The following ACOXL variants were observed in gnomAD, a reference collection of about 807,000 sequenced individuals.
ACOXL encodes acyl-CoA oxidase like, also known as acyl-coenzyme A oxidase-like protein.
In ACOXL, 70 loss-of-function variants were observed where a neutral mutation model predicts 71.9. The observed-to-expected ratio is 0.97, with a 90% CI of 0.80 to 1.19. The LOEUF is 1.19. Among genes scored for constraint, ACOXL ranks in the 50% most tolerant of loss-of-function variants. The pLI is 0.00. For synonymous variants in ACOXL, 253 were observed against 281.6 expected, an observed-to-expected ratio of 0.90 and a Z score of 1.02; for missense variants, 703 against 736.3, an observed-to-expected ratio of 0.95 and a Z score of 0.52.
chr2:111,081,693 A>G (rs1000471180), intron 16 of ACOXL, among the ~76,000 whole-genome samples: 1 of 152,198 alleles, frequency 6.6e-6, no homozygotes, highest in Non-Finnish European at 1.5e-5. Flanking sequence ...ATATGGAACC[A>G]AAAAAGAGCC....
chr2:110,819,522 T>G (rs1408347732), intron 9 of ACOXL, among the ~76,000 whole-genome samples: 1 of 152,000 alleles, frequency 6.6e-6, no homozygotes, highest in Non-Finnish European at 1.5e-5. Context: ...ATTTAAAGGA[T>G]GAGCCCAAGA....
chr2:110,793,565 C>G (rs1010595852), intron 3 of ACOXL, 85 bp from the exon 4 acceptor site: 60 of 1,271,866 alleles, frequency 4.7e-5, no homozygotes, highest in Middle Eastern at 1.8e-4. Context: ...AATAGCTGCT[C>G]CCTGATTGGA....
chr2:110,753,670 A>G (rs1178391625), intron 1 of ACOXL, among the ~76,000 whole-genome samples: 2 of 152,220 alleles, frequency 1.3e-5, no homozygotes, highest in Admixed American at 6.5e-5. Context: ...AATAAAGCTG[A>G]TAAGAACATT....
chr2:111,073,108 T>C (rs1410926882), intron 16 of ACOXL, among the ~76,000 whole-genome samples: 1 of 152,234 alleles, frequency 6.6e-6, no homozygotes, highest in Non-Finnish European at 1.5e-5. Context: ...ATAATTTGTT[T>C]TCCTACTGTT....
chr2:110,978,831 T>G (rs2062575346), intron 12 of ACOXL, among the ~76,000 whole-genome samples: 1 of 152,332 alleles, frequency 6.6e-6, no homozygotes, highest in Admixed American at 6.5e-5. Flanking sequence ...TTTTTAACAT[T>G]CTGCCCATTG....
At chr2:110,743,252 C>A (rs1293005930) in intron 1 of ACOXL, among the ~76,000 whole-genome samples, 1 of 152,142 alleles carries the variant, frequency 6.6e-6, no homozygotes, top group Middle Eastern at 3.2e-3. Flanking sequence ...TACTTCAATT[C>A]TTTTTGTGGT....
chr2:110,909,232 A>G (rs2059566850), intron 11 of ACOXL, among the ~76,000 whole-genome samples: 5 of 152,158 alleles, frequency 3.3e-5, no homozygotes, highest in Admixed American at 3.3e-4. Flanking sequence ...GAACAGTTAA[A>G]AGTTCTTTAT....
chr2:110,858,596 G>A (rs1693558201), intron 10 of ACOXL, among the ~76,000 whole-genome samples: 1 of 152,244 alleles, frequency 6.6e-6, no homozygotes, highest in Admixed American at 6.5e-5. Context: ...GTCCTCAGCT[G>A]TGAGAGTGTC....
At chr2:110,816,161 A>C (rs1032913528) in intron 9 of ACOXL, among the ~76,000 whole-genome samples, 8 of 151,940 alleles carry the variant, frequency 5.3e-5, no homozygotes, top group Non-Finnish European at 1.0e-4. Context: ...AAATGGATGC[A>C]TGGATGGACG....
chr2:110,827,538 C>A (rs1689307291), intron 9 of ACOXL, among the ~76,000 whole-genome samples: 1 of 152,136 alleles, frequency 6.6e-6, no homozygotes, highest in Admixed American at 6.5e-5. Flanking sequence ...GGCCACTGAG[C>A]ACTGAGAGTC....
At chr2:110,784,155 C>T (rs372164116) in intron 2 of ACOXL, among the ~76,000 whole-genome samples, 2 of 152,136 alleles carry the variant, frequency 1.3e-5, no homozygotes, top group South Asian at 2.1e-4. Context: ...GGTACCATGG[C>T]GCATGCCTGT....
intron 12 of ACOXL, among the ~76,000 whole-genome samples, chr2:110,971,656 T>C (rs1425630022): frequency 1.3e-5 from 2 of 152,210 alleles, no homozygotes; most frequent in African/African-American, 4.8e-5. Context: ...ATGAGGACAG[T>C]GGCATGTAGT....
chr2:110,968,844 A>G, intron 12 of ACOXL: 1 of 351,602 alleles, frequency 2.8e-6, no homozygotes, highest in East Asian at 4.8e-5. Flanking sequence ...TGTATGGAAC[A>G]CTCTATTCAA....
chr2:110,769,983 A>G (rs2105008270), intron 2 of ACOXL, among the ~76,000 whole-genome samples: 1 of 151,480 alleles, frequency 6.6e-6, no homozygotes, highest in Middle Eastern at 3.4e-3. Flanking sequence ...TCGAGGCTGC[A>G]GTGAGCTATG....
intron 2 of ACOXL, among the ~76,000 whole-genome samples, chr2:110,769,414 A>G (rs1681577789): frequency 6.6e-6 from 1 of 152,108 alleles, no homozygotes; most frequent in Non-Finnish European, 1.5e-5. Flanking sequence ...TGGGAGGCCA[A>G]GGTGGGCTGA....
In ACOXL at chr2:110,786,025, C is replaced by G. The variant is rs75458070; in HGVS notation, c.159+1210C>G. ...CAATTATCTTGCATGTTCCTGCTTA[C>G]CAAGGAAGGCGAACAAAATAGCTCA... On this transcript the variant is annotated intron_variant, in intron 3 of 17. Coordinates refer to ENST00000439055, the MANE Select transcript of ACOXL (RefSeq NM_001142807.4). 8.5e-3 allele frequency among the ~76,000 whole-genome samples: 1,300 copies of G among 152,286 alleles called. 23 individuals carry two copies. Among genetic ancestry groups the G allele is most frequent in the African/African-American group, 0.03 (1,238 of 41,550 alleles).
intron 12 of ACOXL, among the ~76,000 whole-genome samples, chr2:110,936,954 TCTC>T (rs992568020): frequency 1.3e-5 from 2 of 152,054 alleles, no homozygotes; most frequent in African/African-American, 4.8e-5. Flanking sequence ...TTCAAGCAAT[TCTC>T]CTCCCTCAGC....
chr2:111,049,726 T>C (rs3827538), intron 16 of ACOXL, among the ~76,000 whole-genome samples: 107,563 of 151,846 alleles, frequency 0.71, 38,478 homozygotes, highest in Non-Finnish European at 0.75. Flanking sequence ...ACTGTTCATA[T>C]TCACCACCAG....
chr2:111,006,005 T>C (rs997796737), intron 14 of ACOXL, among the ~76,000 whole-genome samples: 8 of 152,222 alleles, frequency 5.3e-5, no homozygotes, highest in Non-Finnish European at 1.2e-4. Context: ...GCAGATGTTT[T>C]ACAACAATCT....
Sources: gnomAD v4.1 joint callset for allele counts (sites outside exome capture counted in the v4.1 genomes callset) on GRCh38, gnomAD v4.1.1 for gene constraint, MANE v1.5 for transcripts, NCBI Gene and HGNC (gene_info 2026-07-23, HGNC 2026-07-21) for gene names.